FRMD6: variants seen among roughly 807,000 people sequenced by gnomAD.
FRMD6 encodes FERM domain containing 6, also known as FERM domain-containing protein 6.
A neutral mutation model predicts 73.2 loss-of-function variants in FRMD6; 37 were observed. The ratio of observed to expected loss-of-function variants is 0.51; its 90% CI spans 0.39 to 0.66. The LOEUF (loss-of-function observed/expected upper bound fraction) is 0.66, where lower values mean the gene tolerates loss of function less well. Ranked by LOEUF, FRMD6 falls within the 30% of genes least tolerant of loss-of-function variation. FRMD6 has a pLI of 0.00. For synonymous variants in FRMD6, 273 were observed against 282.2 expected, an observed-to-expected ratio of 0.97 and a Z score of 0.33; for missense variants, 714 against 780.5, an observed-to-expected ratio of 0.91 and a Z score of 1.02.
intron 2 of FRMD6, among the ~76,000 whole-genome samples, chr14:51,591,996 C>T (rs1162552290): frequency 6.6e-6 from 1 of 152,146 alleles, no homozygotes; most frequent in Non-Finnish European, 1.5e-5. Flanking sequence ...CAGTCTCACA[C>T]TATCATGCAA....
In FRMD6 at chr14:51,549,658, C is replaced by T. The variant is rs1886688060; in HGVS notation, c.-209-20690C>T. Among the ~76,000 whole-genome samples the T allele has an allele frequency of 2.3e-5, 3 of 128,870 alleles. No individual in the cohort carries two copies. The Admixed American group carries it at 2.6e-4, about 11-fold the overall frequency. The allele number at this position is 128,870 out of a possible 152,430, so 84.5% of individuals were successfully genotyped here. A position where few individuals can be genotyped will look rare whatever the true frequency, so the allele number is the denominator to read the frequency against. On this transcript the variant is annotated intron_variant, in intron 1 of 14. Transcript: ENST00000356218. ...TCGCCCGGGCTGGAGTGCAGTGGCGCACTCTCAGCTCACTGCAGGCTCCGC... is the reference window on the plus strand; with the variant it reads ...TCGCCCGGGCTGGAGTGCAGTGGCGTACTCTCAGCTCACTGCAGGCTCCGC...
At chr14:51,552,972 C>T (rs1886925637) in intron 1 of FRMD6, among the ~76,000 whole-genome samples, 1 of 152,106 alleles carries the variant, frequency 6.6e-6, no homozygotes, top group Non-Finnish European at 1.5e-5. Flanking sequence ...TGGCAGTCTG[C>T]CAGGTGATTC....
intron 2 of FRMD6, among the ~76,000 whole-genome samples, chr14:51,575,209 T>C (rs1043126939): frequency 7.7e-4 from 117 of 152,348 alleles, no homozygotes; most frequent in African/African-American, 2.8e-3. Context: ...CAATTTGTTA[T>C]TTAATTTTAA....
intron 2 of FRMD6, among the ~76,000 whole-genome samples, chr14:51,606,656 G>C (rs774795553): frequency 1.3e-5 from 2 of 152,206 alleles, no homozygotes; most frequent in African/African-American, 2.4e-5. Context: ...CCTCCAGAGA[G>C]ACAGAGCCAA....
chr14:51,671,954 A>T (rs1315050023), intron 1 of FRMD6, among the ~76,000 whole-genome samples: 1 of 152,220 alleles, frequency 6.6e-6, no homozygotes, highest in African/African-American at 2.4e-5. Flanking sequence ...CAAACTTTCC[A>T]CTAGATGGGT....
chr14:51,584,673 A>G (rs1407546604), intron 2 of FRMD6, among the ~76,000 whole-genome samples: 1 of 151,986 alleles, frequency 6.6e-6, no homozygotes, highest in African/African-American at 2.4e-5. Flanking sequence ...GTCAACCCTG[A>G]GATGAAATTT....
chr14:51,418,572 T>G, the FRMD6 span, among the ~76,000 whole-genome samples: 1 of 152,332 alleles, frequency 6.6e-6, no homozygotes, highest in African/African-American at 2.4e-5. Context: ...GGCACCTGCC[T>G]GTATGAGGTG....
intron 2 of FRMD6, among the ~76,000 whole-genome samples, chr14:51,622,456 T>C (rs534645004): frequency 6.6e-6 from 1 of 152,202 alleles, no homozygotes; most frequent in South Asian, 2.1e-4. Context: ...GGGTCACCTA[T>C]AAAAGAAGTG....
In FRMD6 at chr14:51,498,606, CCTCT is replaced by C. The variant is rs1183309871; in HGVS notation, c.-210+9191_-210+9194del. 2.0e-5 allele frequency among the ~76,000 whole-genome samples: 3 copies of C among 152,172 alleles called. No homozygotes were observed. The South Asian group carries it at 6.2e-4, about 32-fold the overall frequency. On this transcript the variant is annotated intron_variant, in intron 1 of 14. Coordinates refer to the FRMD6 transcript ENST00000356218. ...CCTGGGCTTAGCTGGGACAGCTGGG[CCTCT>C]CTCTGTCCATCTGCTCTTTCATCCT...
intron 10 of FRMD6, among the ~76,000 whole-genome samples, chr14:51,718,643 T>C (rs1897364542): frequency 6.6e-6 from 1 of 152,168 alleles, no homozygotes; most frequent in Non-Finnish European, 1.5e-5. Context: ...CCCTGACAAG[T>C]TGTACATGGA....
At chr14:51,449,175 A>AAAGATATGCATG in the FRMD6 span, among the ~76,000 whole-genome samples, 1 of 152,158 alleles carries the variant, frequency 6.6e-6, no homozygotes, top group African/African-American at 2.4e-5. Context: ...ACAGTCCAGA[A>AAAGATATGCATG]AAGATATGCA....
intron 2 of FRMD6, chr14:51,584,139 G>T (rs1315179212): frequency 6.6e-6 from 1 of 152,168 alleles, no homozygotes; most frequent in Non-Finnish European, 1.5e-5. Context: ...GATCTAGAGG[G>T]TTGAAATGAC....
intron 1 of FRMD6, among the ~76,000 whole-genome samples, chr14:51,517,163 G>T (rs1262687858): frequency 6.6e-6 from 1 of 152,218 alleles, no homozygotes; most frequent in African/African-American, 2.4e-5. Context: ...ATGATTAAGT[G>T]ATTAAGGAAA....
the FRMD6 span, among the ~76,000 whole-genome samples, chr14:51,406,470 A>G: frequency 6.6e-6 from 1 of 151,886 alleles, no homozygotes. Flanking sequence ...GATGTTTTCT[A>G]TTTGTTTATG....
the FRMD6 span, chr14:51,436,789 A>C: frequency 3.8e-6 from 2 of 532,548 alleles, no homozygotes; most frequent in African/African-American, 1.9e-5. Flanking sequence ...ATGAAGATGA[A>C]GAAGGAGAAG....
chr14:51,607,155 G>C (rs76840622), intron 2 of FRMD6, among the ~76,000 whole-genome samples: 1 of 152,036 alleles, frequency 6.6e-6, no homozygotes, highest in Non-Finnish European at 1.5e-5. Flanking sequence ...GCTTTACCAG[G>C]TTTCTACATA....
chr14:51,556,845 C>G (rs1744865699), intron 1 of FRMD6, among the ~76,000 whole-genome samples: 1 of 103,520 alleles, frequency 9.7e-6, no homozygotes, highest in Non-Finnish European at 2.0e-5. Flanking sequence ...TCAACCAAAA[C>G]TTTATTCAAG....
At chr14:51,400,639 A>G in the FRMD6 span, among the ~76,000 whole-genome samples, 1 of 152,200 alleles carries the variant, frequency 6.6e-6, no homozygotes, top group Non-Finnish European at 1.5e-5. Context: ...TATAATTACA[A>G]TAAAAAACTA....
At chr14:51,679,299 C>CAT (rs76265039) in intron 1 of FRMD6, among the ~76,000 whole-genome samples, 149,849 of 151,464 alleles carry the variant, frequency 0.99, 74,149 homozygotes, top group Middle Eastern at 1. Flanking sequence ...AATATACACA[C>CAT]GTGTATAGAT....
Sources: gnomAD v4.1 joint callset for allele counts (sites outside exome capture counted in the v4.1 genomes callset) on GRCh38, gnomAD v4.1.1 for gene constraint, MANE v1.5 for transcripts, NCBI Gene and HGNC (gene_info 2026-07-23, HGNC 2026-07-21) for gene names.